PCNA: variants seen among roughly 807,000 people sequenced by gnomAD.
PCNA encodes the protein DNA sliding clamp PCNA.
Under a neutral mutation model 27.8 loss-of-function variants are expected in PCNA, and 4 were observed. The ratio of observed to expected loss-of-function variants is 0.14; its 90% CI spans 0.07 to 0.33. PCNA has a LOEUF of 0.33. Ranked by LOEUF, PCNA falls within the 10% of genes least tolerant of loss-of-function variation. The pLI is 1.00. For missense variants in PCNA, 165 were observed against 327.4 expected (o/e 0.50, Z 3.83); for synonymous variants, 121 against 119.4 (o/e 1.01, Z -0.09).
At chr20:5,116,605 G>C (rs1194869407) in intron 4 of PCNA, among the ~76,000 whole-genome samples, 1 of 152,116 alleles carries the variant, frequency 6.6e-6, no homozygotes, top group Non-Finnish European at 1.5e-5. Context: ...ATGAGGTTAG[G>C]ACCTTTGTCC....
At chr20:5,125,101 G>T (rs148676750) in intron 1 of PCNA, among the ~76,000 whole-genome samples, 1 of 152,280 alleles carries the variant, frequency 6.6e-6, no homozygotes, top group African/African-American at 2.4e-5. Flanking sequence ...AACTTTAGGA[G>T]GCCTATGTGG....
chr20:5,125,890 C>T (rs1429455794), intron 1 of PCNA, among the ~76,000 whole-genome samples: 1 of 152,140 alleles, frequency 6.6e-6, no homozygotes, highest in Non-Finnish European at 1.5e-5. Flanking sequence ...AAGTAGACAG[C>T]ACTTCTGTCC....
At chr20:5,123,667 C>A (rs556927453), upstream of PCNA, among the ~76,000 whole-genome samples, 8 of 151,304 alleles carry the variant, frequency 5.3e-5, no homozygotes, top group African/African-American at 1.9e-4. Flanking sequence ...TGTACTCCAG[C>A]CTGGGTGACA....
rs1463547840 is a variant in PCNA at position 5,119,761 on chromosome 20, T to C, written c.38A>G (p.Lys13Arg). 1 of 1,582,888 alleles carries C rather than the reference T, an allele frequency of 6.3e-7. No homozygotes were observed. The change falls in exon 1 of 6, where the codon AAG (lysine) becomes AGG (arginine). Residue 13 changes from lysine (K) to arginine (R), a missense_variant. Physicochemically the swap from Lys to Arg is conservative, Grantham distance 26. Coordinates refer to ENST00000379143, the MANE Select transcript of PCNA (RefSeq NM_182649.2). ...EARLVQGSIL[K>R]KVLEALKDLI... ...GTCCTTGAGTGCCTCCAACACCTTC[T>C]TGAGGATGGAGCCCTGGACCAGGCG... is the stretch of plus-strand genomic sequence containing the variant.
upstream of PCNA, among the ~76,000 whole-genome samples, chr20:5,121,832 G>A (rs1338957056): frequency 3.9e-5 from 6 of 151,920 alleles, no homozygotes; most frequent in Admixed American, 6.6e-5. Flanking sequence ...CCACTATGTC[G>A]CTCTGGCTGG....
chr20:5,126,311 C>A (rs1214672581), intron 1 of PCNA, among the ~76,000 whole-genome samples: 1 of 152,204 alleles, frequency 6.6e-6, no homozygotes, highest in Non-Finnish European at 1.5e-5. Context: ...CGAGATAAGC[C>A]AACTAAAGCG....
intron 4 of PCNA, among the ~76,000 whole-genome samples, chr20:5,116,215 G>A (rs3730438): frequency 0.16 from 23,628 of 152,108 alleles, 2,592 homozygotes; most frequent in African/African-American, 0.31. Context: ...CTGTAGTCCC[G>A]GCTACTTGGG....
chr20:5,119,722 G>C lies in PCNA; in HGVS notation c.77C>G (p.Ala26Gly), dbSNP rs1006865078. Reference protein sequence around the residue: ...LEALKDLINEACWDISSSGVN... With the variant: ...LEALKDLINEGCWDISSSGVN... ...ACCGCTGGAGCTAATATCCCAGCAG[G>C]CCTCGTTGATGAGGTCCTTGAGTGC... Residue 26 changes from alanine to glycine, a missense_variant, in exon 1 of 6, where the codon GCC becomes GGC. Transcript: ENST00000379143. 1 of 1,599,996 alleles carries C rather than the reference G, an allele frequency of 6.3e-7. No individual in the cohort carries two copies. Among genetic ancestry groups the C allele is most frequent in the East Asian group, 2.3e-5 (1 of 44,310 alleles).
Position 5,118,841 on chromosome 20 carries a change from C to A in PCNA, c.247G>T (p.Gly83Cys), listed in dbSNP as rs1413069059. The A allele has an allele frequency of 6.2e-7, 1 of 1,612,528 alleles. No homozygotes were observed. Among genetic ancestry groups the A allele is most frequent in the Non-Finnish European group, 8.5e-7 (1 of 1,178,672 alleles). ...CTTAGTGTAATGATATCTTCATTGCCGGCGCATTTTAGTATTTTGGACATA... is the reference window on the plus strand; with the variant it reads ...CTTAGTGTAATGATATCTTCATTGCAGGCGCATTTTAGTATTTTGGACATA... ...TSMSKILKCA[G>C]NEDIITLRAE... is the part of the protein sequence containing the mutation. The change falls in exon 2 of 6, where the codon GGC (glycine) becomes TGC (cysteine). Residue 83 changes from glycine (G) to cysteine (C), a missense_variant. Coordinates refer to ENST00000379143, the MANE Select transcript of PCNA (RefSeq NM_182649.2).
intron 3 of PCNA, 132 bp downstream of exon 3, chr20:5,118,478 G>A (rs1203589515): frequency 7.7e-6 from 5 of 646,136 alleles, no homozygotes; most frequent in Non-Finnish European, 1.3e-5. Context: ...GTTAGAGAGA[G>A]CTATATGGCA....
In PCNA at chr20:5,117,766, A is replaced by AT. The variant is rs1423010158; in HGVS notation, c.388-103dup. 1.3e-5 allele frequency: 8 copies of AT among 635,722 alleles called. No individual in the cohort carries two copies. In the East Asian group the frequency reaches 2.2e-4, roughly 18 times the overall value. The allele number at this position is 635,722 out of a possible 1,614,324, so 39.4% of individuals were successfully genotyped here. ...AACACCTAAACAACTCAGAATCAATATTTTCTGATTACTTTAAAATATGAC... is the reference window on the plus strand; with the variant it reads ...AACACCTAAACAACTCAGAATCAATATTTTTCTGATTACTTTAAAATATGAC... On this transcript the variant is annotated intron_variant, in intron 3 of 5. Coordinates refer to ENST00000379143, the MANE Select transcript of PCNA (RefSeq NM_182649.2).
At chr20:5,125,893 T>C (rs2090544591) in intron 1 of PCNA, among the ~76,000 whole-genome samples, 1 of 152,140 alleles carries the variant, frequency 6.6e-6, no homozygotes, top group Non-Finnish European at 1.5e-5. Context: ...TAGACAGCAC[T>C]TCTGTCCCAA....
At chr20:5,125,790 C>T (rs73602874) in intron 1 of PCNA, among the ~76,000 whole-genome samples, 34 of 152,260 alleles carry the variant, frequency 2.2e-4, no homozygotes, top group African/African-American at 7.7e-4. Context: ...AGCTGGGAGA[C>T]CTTGGCTAAG....
chr20:5,126,449 C>G (rs2090549151), intron 1 of PCNA: 1 of 152,260 alleles, frequency 6.6e-6, no homozygotes, highest in African/African-American at 2.4e-5. Context: ...ATGCTCTTAA[C>G]CAGGTCGGCT....
At chr20:5,119,003 G>A (rs549488867) in intron 1 of PCNA, 137 bp from the exon 2 acceptor site, 17 of 639,698 alleles carry the variant, frequency 2.7e-5, no homozygotes, top group East Asian at 2.6e-4. Context: ...GACTGCTGGA[G>A]GATGCCATTA....
chr20:5,123,037 G>C (rs1417639851), upstream of PCNA, among the ~76,000 whole-genome samples: 1 of 152,232 alleles, frequency 6.6e-6, no homozygotes, highest in African/African-American at 2.4e-5. Flanking sequence ...CATCTTATCA[G>C]AGAAGACAGC....
intron 1 of PCNA, among the ~76,000 whole-genome samples, chr20:5,124,977 A>T (rs1022340521): frequency 1.3e-5 from 2 of 152,164 alleles, no homozygotes; most frequent in Admixed American, 1.3e-4. Context: ...ACTCACTTAG[A>T]TATGACCTTT....
upstream of PCNA, among the ~76,000 whole-genome samples, chr20:5,121,222 G>C (rs1036724648): frequency 6.6e-6 from 1 of 152,064 alleles, no homozygotes; most frequent in Non-Finnish European, 1.5e-5. Flanking sequence ...TTGGTCAGCA[G>C]AATTCTTTAG....
chr20:5,120,217 C>T (rs1163067229), upstream of PCNA, among the ~76,000 whole-genome samples: 2 of 152,260 alleles, frequency 1.3e-5, no homozygotes, highest in East Asian at 3.8e-4. Flanking sequence ...CCGGTCCCGG[C>T]TCGTCAAGCC....
Sources: allele counts gnomAD v4.1 joint callset (sites outside exome capture counted in the v4.1 genomes callset), GRCh38; gene constraint gnomAD v4.1.1; transcripts MANE v1.5; gene names NCBI Gene and HGNC (gene_info 2026-07-23, HGNC 2026-07-21).